The following TTLL11 variants were observed in gnomAD, a reference collection of about 807,000 sequenced individuals.
TTLL11 encodes the protein tubulin polyglutamylase TTLL11.
TTLL11 carries 42 observed loss-of-function variants against 51.7 expected under a neutral mutation model. The ratio of observed to expected loss-of-function variants is 0.81; its 90% CI spans 0.64 to 1.05. The LOEUF (loss-of-function observed/expected upper bound fraction) is 1.05, where lower values mean the gene tolerates loss of function less well. Among genes scored for constraint, TTLL11 ranks in the 50% least tolerant of loss-of-function variants. The probability of loss-of-function intolerance (pLI) is 0.00; values close to 1 mark genes in which losing one functional copy is unlikely to be tolerated. For missense variants in TTLL11, 799 were observed against 940.4 expected (o/e 0.85, Z 1.97); for synonymous variants, 381 against 383.5 (o/e 0.99, Z 0.08).
intron 3 of TTLL11, among the ~76,000 whole-genome samples, chr9:121,993,968 CAA>C (rs1446779838): frequency 6.6e-6 from 1 of 152,180 alleles, no homozygotes. Context: ...CTCTGGTAGA[CAA>C]AATCAGTGTC....
chr9:122,035,099 C>T (rs570806866), intron 2 of TTLL11, among the ~76,000 whole-genome samples: 45 of 152,312 alleles, frequency 3.0e-4, no homozygotes, highest in African/African-American at 8.9e-4. Flanking sequence ...TGCAGAGCTG[C>T]GTCCTTTTCT....
At chr9:121,826,676 C>G (rs544243400) in intron 8 of TTLL11, among the ~76,000 whole-genome samples, 20 of 150,288 alleles carry the variant, frequency 1.3e-4, no homozygotes, top group East Asian at 5.9e-4. Context: ...TCCCAGAAAC[C>G]CTCTGGAGCA....
intron 6 of TTLL11, among the ~76,000 whole-genome samples, chr9:121,920,456 G>A (rs748608698): frequency 6.6e-6 from 1 of 152,190 alleles, no homozygotes; most frequent in Admixed American, 6.5e-5. Context: ...AACCAGATGA[G>A]CTCCATATCT....
In TTLL11 at chr9:122,068,020, G is replaced by C. The variant is rs149583316; in HGVS notation, c.462+24667C>G. ...CAAGTACACAAAGACATATATACAA[G>C]GATATGGTCATTGCAGCTTTACATA... On this transcript the variant is annotated intron_variant, in intron 1 of 8. Coordinates refer to ENST00000321582, the MANE Select transcript of TTLL11 (RefSeq NM_001139442.2). 4.9e-4 allele frequency among the ~76,000 whole-genome samples: 75 copies of C among 152,272 alleles called. No homozygotes were observed. The Middle Eastern group carries it at 0.01, about 21-fold the overall frequency.
In TTLL11 at chr9:122,093,076, C is replaced by T; in HGVS notation, c.73G>A (p.Ala25Thr). The T allele has an allele frequency of 6.6e-7, 1 of 1,505,654 alleles. No individual in the cohort carries two copies. The highest frequency in any genetic ancestry group is 8.8e-7 in the Non-Finnish European group (1 of 1,134,630). 93.3% of individuals were successfully genotyped at this position (1,505,654 alleles called of 1,614,324 possible). A position where few individuals can be genotyped will look rare whatever the true frequency, so the allele number is the denominator to read the frequency against. The change falls in exon 1 of 9, where the codon GCG (alanine) becomes ACG (threonine). Residue 25 changes from alanine (A) to threonine (T), a missense_variant. Around this residue, in one of 3 missense-constraint regions of TTLL11, gnomAD observed 166 missense variants for 161.6 expected, o/e 1.03. Transcript: ENST00000321582. ...EAEAVAAAKA[A>T]AKAEAEATAE... ...GTGGCCTCGGCCTCAGCTTTGGCCG[C>T]CGCTTTGGCCGCAGCCACCGCCTCC... is the stretch of plus-strand genomic sequence containing the variant.
chr9:121,985,997 T>C (rs1331066321), intron 4 of TTLL11, among the ~76,000 whole-genome samples: 1 of 152,102 alleles, frequency 6.6e-6, no homozygotes, highest in African/African-American at 2.4e-5. Context: ...AGGCTCAGAG[T>C]GGTGAAGAAA....
chr9:121,872,277 A>G (rs192084059), intron 6 of TTLL11, among the ~76,000 whole-genome samples: 13 of 152,302 alleles, frequency 8.5e-5, no homozygotes, highest in African/African-American at 1.2e-4. Context: ...CTTCTTGACC[A>G]CACAGGTCCC....
At chr9:122,049,481 G>A (rs1845103752) in intron 1 of TTLL11, among the ~76,000 whole-genome samples, 1 of 152,100 alleles carries the variant, frequency 6.6e-6, no homozygotes, top group Admixed American at 6.5e-5. Context: ...TCTTTTTGGA[G>A]ACTGCTATAG....
chr9:121,942,044 A>G (rs556673179), intron 6 of TTLL11, among the ~76,000 whole-genome samples: 3 of 152,298 alleles, frequency 2.0e-5, no homozygotes, highest in Non-Finnish European at 4.4e-5. Flanking sequence ...CATGCAGTCC[A>G]CAGAGTAGCC....
rs147065317 is a variant in TTLL11, at chr9:121,854,713, A to T, written c.1840+5624T>A. Among the ~76,000 whole-genome samples, 253 of 152,320 alleles carry T rather than the reference A, an allele frequency of 1.7e-3. 1 individual carries two copies. Among genetic ancestry groups the T allele is most frequent in the African/African-American group, 5.9e-3 (247 of 41,566 alleles). ...AGATGTGAAATTCCACTCTGGAAAG[A>T]GCTGAGGGCAAAGTCTCCATGATAA... is the stretch of plus-strand genomic sequence containing the variant. On this transcript the variant is annotated intron_variant, in intron 8 of 8. Coordinates refer to ENST00000321582, the MANE Select transcript of TTLL11 (RefSeq NM_001139442.2).
chr9:121,822,331 A>G lies in TTLL11; in HGVS notation c.*256T>C, dbSNP rs921038736. ...CCCAGAATAGAAGGTGCCATCTGTCACGTTTTAGATGTCATATGTCCGATG... is the reference window on the plus strand; with the variant it reads ...CCCAGAATAGAAGGTGCCATCTGTCGCGTTTTAGATGTCATATGTCCGATG... On this transcript the variant is annotated 3_prime_UTR_variant, in exon 9 of 9. Transcript: ENST00000321582. The surrounding 1 kb of genome is among the most constrained non-coding windows in gnomAD (Gnocchi z 5.8). 16 of 313,188 alleles carry G rather than the reference A, an allele frequency of 5.1e-5. No individual in the cohort carries two copies. The highest frequency in any genetic ancestry group is 5.2e-5 in the Non-Finnish European group (9 of 172,050). The allele number at this position is 313,188 out of a possible 1,614,324, so 19.4% of individuals were successfully genotyped here. A position where few individuals can be genotyped will look rare whatever the true frequency, so the allele number is the denominator to read the frequency against.
intron 6 of TTLL11, among the ~76,000 whole-genome samples, chr9:121,931,124 G>GCTAT (rs1322628033): frequency 1.3e-5 from 2 of 152,258 alleles, no homozygotes; most frequent in African/African-American, 2.4e-5. Context: ...AGTCAGGCCA[G>GCTAT]CTATCTCCCT....
Position 122,031,744 on chromosome 9 carries a change from C to A in TTLL11, c.672G>T (p.Glu224Asp). Reference protein sequence around the residue: ...FYPRSWILPDEFQLFVAQVQM... With the variant: ...FYPRSWILPDDFQLFVAQVQM... ...CTACCTGAGCAACAAAGAGCTGGAACTCGTCAGGCAGAATCCATGAGCGAG... is the reference window on the plus strand; with the variant it reads ...CTACCTGAGCAACAAAGAGCTGGAAATCGTCAGGCAGAATCCATGAGCGAG... The change falls in exon 3 of 9, where the codon GAG (glutamate) becomes GAT (aspartate). Residue 224 changes from glutamate to aspartate, a missense_variant. By Grantham distance (45) the Glu-to-Asp change is conservative (BLOSUM62 2). This residue lies in a region of TTLL11 where 468 missense variants were observed against 612.8 expected (regional missense o/e 0.76). Transcript: ENST00000321582. 6.2e-7 allele frequency: 1 copy of A among 1,612,838 alleles called. No homozygotes were observed. Among genetic ancestry groups the A allele is most frequent in the Non-Finnish European group, 8.5e-7 (1 of 1,179,982 alleles).
intron 1 of TTLL11, among the ~76,000 whole-genome samples, chr9:122,078,322 A>C (rs1407042055): frequency 6.6e-6 from 1 of 152,230 alleles, no homozygotes; most frequent in Admixed American, 6.5e-5. Context: ...AAATGACCCA[A>C]GGAAGGGGAC....
At chr9:121,966,747 C>G (rs946851602) in intron 6 of TTLL11, among the ~76,000 whole-genome samples, 2 of 152,118 alleles carry the variant, frequency 1.3e-5, no homozygotes, top group Admixed American at 6.5e-5. Flanking sequence ...GGCCCAGGAC[C>G]CAGGTTCCAG....
intron 6 of TTLL11, among the ~76,000 whole-genome samples, chr9:121,875,139 G>A (rs1217095849): frequency 1.3e-5 from 2 of 152,150 alleles, no homozygotes; most frequent in African/African-American, 2.4e-5. Flanking sequence ...ACACTGTTGT[G>A]TAACTGTCAC....
intron 6 of TTLL11, among the ~76,000 whole-genome samples, chr9:121,970,314 C>A (rs1473648455): frequency 1.3e-5 from 2 of 152,160 alleles, no homozygotes; most frequent in African/African-American, 2.4e-5. Flanking sequence ...ACATAGAATG[C>A]AGCTCCTATG....
chr9:121,950,272 G>A (rs566071408), intron 6 of TTLL11, among the ~76,000 whole-genome samples: 7 of 152,188 alleles, frequency 4.6e-5, no homozygotes, highest in Admixed American at 2.0e-4. Flanking sequence ...TGCAGGCAGT[G>A]AGCTCCCTGA....
At chr9:121,919,847 TAAAAAAAAAAAAAA>T (rs59700871) in intron 6 of TTLL11, among the ~76,000 whole-genome samples, 5 of 60,824 alleles carry the variant, frequency 8.2e-5, no homozygotes, top group Non-Finnish European at 1.8e-4. Flanking sequence ...CCCTCATCTC[TAAAAAAAAAAAAAA>T]AAAAAAAAAG....
Sources: gnomAD v4.1 joint callset for allele counts (sites outside exome capture counted in the v4.1 genomes callset) on GRCh38, gnomAD v4.1.1 for gene constraint, gnomAD v4.1.1 regional missense constraint, Gnocchi (gnomAD v3.1) non-coding constraint, MANE v1.5 for transcripts, NCBI Gene and HGNC (gene_info 2026-07-23, HGNC 2026-07-21) for gene names.